The following DHX33 variants were observed in gnomAD, a reference collection of about 807,000 sequenced individuals.
DHX33 encodes DEAH-box helicase 33, also known as ATP-dependent RNA helicase DHX33.
A neutral mutation model predicts 72.5 loss-of-function variants in DHX33; 42 were observed. The observed-to-expected ratio is 0.58, with a 90% confidence interval of 0.45 to 0.75. The LOEUF (loss-of-function observed/expected upper bound fraction) is 0.75. Ranked by LOEUF, DHX33 falls within the 30% of genes least tolerant of loss-of-function variation. The probability of loss-of-function intolerance (pLI) is 0.00; values close to 1 mark genes in which losing one functional copy is unlikely to be tolerated. For synonymous variants in DHX33, 358 were observed against 366.1 expected (o/e 0.98, Z 0.25); for missense variants, 842 against 917.5 (o/e 0.92, Z 1.06).
At chr17:5,449,001 C>T in intron 10 of DHX33, 106 bp from the exon 11 acceptor site, 1 of 757,330 alleles carries the variant, frequency 1.3e-6, no homozygotes, top group Middle Eastern at 2.6e-4. Flanking sequence ...GTGATACAAT[C>T]ATAGCTCACT....
chr17:5,445,050 T>C (rs1428311716), intron 11 of DHX33, among the ~76,000 whole-genome samples: 4 of 152,014 alleles, frequency 2.6e-5, no homozygotes, highest in Admixed American at 2.6e-4. Context: ...GCTGCTCGCC[T>C]GTCTTTCCTC....
At chr17:5,455,536 G>A (rs951672789) in intron 5 of DHX33, among the ~76,000 whole-genome samples, 8 of 152,192 alleles carry the variant, frequency 5.3e-5, no homozygotes, top group African/African-American at 1.9e-4. Flanking sequence ...GGTTGGAATC[G>A]TGGCCCTGCC....
Position 5,455,263 on chromosome 17 carries a change from G to A in DHX33, c.1044C>T (p.Arg348=). 6.2e-7 allele frequency: 1 copy of A among 1,614,126 alleles called. No individual in the cohort carries two copies. The highest frequency in any genetic ancestry group is 2.2e-5 in the East Asian group (1 of 44,892). The stretch of plus-strand genomic sequence containing the variant: ...CGATGTTGGTTGAAATGATCACTTT[G>A]CGATAGCCCTAAAAGGAGGAAGAAA... ...RVFQGAPKGY[R]KVIISTNIAE... Residue 348 remains arginine (R), a synonymous_variant, in exon 6 of 12, where the codon CGC becomes CGT. Coordinates refer to ENST00000225296, the MANE Select transcript of DHX33 (RefSeq NM_020162.4).
At chr17:5,462,200 A>AG in intron 3 of DHX33, 119 bp downstream of exon 3, 1 of 927,586 alleles carries the variant, frequency 1.1e-6, no homozygotes. Context: ...TTGGCCTCCC[A>AG]AAGTGCTGGG....
In DHX33 at chr17:5,460,956, C is replaced by G. The variant is rs749794690; in HGVS notation, c.832G>C (p.Val278Leu). The G allele has an allele frequency of 3.7e-6, 6 of 1,612,722 alleles. No individual in the cohort carries two copies. Among genetic ancestry groups the G allele is most frequent in the Non-Finnish European group, 5.1e-6 (6 of 1,179,096 alleles). Reference protein sequence around the residue: ...NDYLHAALVSVFQIHQEAPSS... With the variant: ...NDYLHAALVSLFQIHQEAPSS... ...CACCATACCTGGTGGATCTGGAAGA[C>G]GGAGACAAGCGCGGCGTGCAGGTAA... Residue 278 changes from valine to leucine, a missense_variant, in exon 4 of 12, where the codon GTC becomes CTC. By Grantham distance (32) the Val-to-Leu change is conservative. Transcript: ENST00000225296.
intron 4 of DHX33, among the ~76,000 whole-genome samples, chr17:5,459,273 A>G (rs1181586774): frequency 1.3e-5 from 2 of 152,224 alleles, no homozygotes; most frequent in African/African-American, 2.4e-5. Flanking sequence ...GCTAATAGGA[A>G]GGTAAAAACA....
Position 5,468,583 on chromosome 17 carries a change from C to T in DHX33, c.277G>A (p.Ala93Thr), listed in dbSNP as rs1409661060. ...LLAQLRNLDN[A>T]VLIGETGSGK... ...CGCGGCCACTCACCGATGAGGACCG[C>T]GTTGTCCAGGTTTCGGAGCTGGGCC... is the stretch of plus-strand genomic sequence containing the variant. The change falls in exon 1 of 12, where the codon GCG becomes ACG. Residue 93 changes from alanine to threonine, a missense_variant. Transcript: ENST00000225296. The T allele has an allele frequency of 1.9e-6, 3 of 1,608,098 alleles. No homozygotes were observed. The African/African-American group carries it at 4.0e-5, about 21-fold the overall frequency.
intron 1 of DHX33, among the ~76,000 whole-genome samples, chr17:5,464,718 C>T (rs1162431282): frequency 2.6e-5 from 4 of 152,030 alleles, no homozygotes; most frequent in African/African-American, 4.8e-5. Flanking sequence ...AAAATACAAC[C>T]GTTACATAGA....
chr17:5,451,047 A>T, intron 8 of DHX33, 113 bp from the exon 9 acceptor site: 1 of 1,250,992 alleles, frequency 8.0e-7, no homozygotes, highest in Non-Finnish European at 1.1e-6. Context: ...AGCAAAAATC[A>T]TAACCGCCAC....
chr17:5,468,835 G>A lies in DHX33; in HGVS notation c.25C>T (p.Pro9Ser). ...GAGCCTGGCCGGAATCTCTTGGCCG[G>A]CGGGAAGCCCGCCTCCTCCGGCATG... is the stretch of plus-strand genomic sequence containing the variant. MPEEAGFP[P>S]AKRFRPGSGP... Residue 9 changes from proline to serine, a missense_variant, in exon 1 of 12, where the codon CCG (proline) becomes TCG (serine). Physicochemically the swap from Pro to Ser is moderately conservative, Grantham distance 74 (BLOSUM62 -1). Coordinates refer to ENST00000225296, the MANE Select transcript of DHX33 (RefSeq NM_020162.4). The A allele has an allele frequency of 6.4e-7, 1 of 1,565,992 alleles. No homozygotes were observed.
At chr17:5,454,704 C>T (rs541359132) in intron 6 of DHX33, among the ~76,000 whole-genome samples, 46 of 152,302 alleles carry the variant, frequency 3.0e-4, no homozygotes, top group African/African-American at 1.1e-3. Context: ...GTCAAGATGA[C>T]CTTAAGTTAG....
At chr17:5,452,448 G>A (rs1199969906) in intron 8 of DHX33, among the ~76,000 whole-genome samples, 3 of 152,234 alleles carry the variant, frequency 2.0e-5, no homozygotes, top group Non-Finnish European at 4.4e-5. Flanking sequence ...GCTGAGGCAG[G>A]AGAATCACCT....
At chr17:5,468,002 A>ACT (rs1435720524) in intron 1 of DHX33, among the ~76,000 whole-genome samples, 16 of 151,836 alleles carry the variant, frequency 1.1e-4, no homozygotes, top group Non-Finnish European at 1.9e-4. Context: ...GCATCTGCTC[A>ACT]CTCTCTATTC....
rs1292980768 is a variant in DHX33, at chr17:5,444,512, A to G, written c.1817T>C (p.Met606Thr). The stretch of plus-strand genomic sequence containing the variant: ...TCGGGATGATGCGATTGGCATTGAC[A>G]TCTGTTTCGGGAGAAAGCGAGGAAT... ...RAQLRDICLK[M>T]SMPIASSRGD... is the part of the protein sequence containing the mutation. Residue 606 changes from methionine (M) to threonine (T), a missense_variant and splice_region_variant, in exon 12 of 12, where the codon ATG becomes ACG. Transcript: ENST00000225296. The surrounding 1 kb of genome is among the most constrained non-coding windows in gnomAD (Gnocchi z 4.9). 6.2e-7 allele frequency: 1 copy of G among 1,612,964 alleles called. No individual in the cohort carries two copies. Among genetic ancestry groups the G allele is most frequent in the Non-Finnish European group, 8.5e-7 (1 of 1,179,194 alleles).
chr17:5,468,862 CG>C lies in DHX33; in HGVS notation c.-4del, dbSNP rs1311875739. On this transcript the variant is annotated 5_prime_UTR_variant, in exon 1 of 12. Transcript: ENST00000225296. ...GGGAAGCCCGCCTCCTCCGGCATGT[CG>C]GGAGGGCACCGCGGCGGGAGGCGCA... is the stretch of plus-strand genomic sequence containing the variant. 1.9e-6 allele frequency: 3 copies of C among 1,552,320 alleles called. No individual in the cohort carries two copies. Among genetic ancestry groups the C allele is most frequent in the African/African-American group, 2.7e-5 (2 of 73,094 alleles).
At position 5,450,925 on chromosome 17, in the gene DHX33, T is replaced by G. The variant is rs1916876516; in HGVS notation, c.1406A>C (p.Gln469Pro). 2 of 1,613,846 alleles carry G rather than the reference T, an allele frequency of 1.2e-6. No individual in the cohort carries two copies. The highest frequency in any genetic ancestry group is 8.5e-7 in the Non-Finnish European group (1 of 1,179,968). ...CAGGTCCAGTTGGGCAATGGCCGCCTGAATGTGATCTAAAGAAACAGAGAC... is the reference window on the plus strand; with the variant it reads ...CAGGTCCAGTTGGGCAATGGCCGCCGGAATGTGATCTAAAGAAACAGAGAC... Reference protein sequence around the residue: ...FMSKPSPDHIQAAIAQLDLLG... With the variant: ...FMSKPSPDHIPAAIAQLDLLG... The change falls in exon 9 of 12, where the codon CAG becomes CCG. Residue 469 changes from glutamine (Q) to proline (P), a missense_variant. Physicochemically the swap from Gln to Pro is moderately conservative, Grantham distance 76 (BLOSUM62 -1). Transcript: ENST00000225296.
At chr17:5,455,950 G>A (rs1323475002) in intron 5 of DHX33, 47 bp downstream of exon 5, 17 of 1,571,952 alleles carry the variant, frequency 1.1e-5, no homozygotes, top group Admixed American at 1.8e-5. Flanking sequence ...TGGTGGATCC[G>A]TCTGGGTGCC....
intron 6 of DHX33, among the ~76,000 whole-genome samples, chr17:5,454,647 G>A (rs2151686927): frequency 6.6e-6 from 1 of 152,208 alleles, no homozygotes; most frequent in South Asian, 2.1e-4. Flanking sequence ...TAATTTCAGT[G>A]GTCTCAAATC....
chr17:5,442,186 C>T lies in DHX33; in HGVS notation c.*2019G>A, dbSNP rs924108440. 1 of 152,044 alleles carries T rather than the reference C, an allele frequency of 6.6e-6. No homozygotes were observed. Among genetic ancestry groups the T allele is most frequent in the African/African-American group, 2.4e-5 (1 of 41,376 alleles). The allele number at this position is 152,044 out of a possible 1,614,324, so 9.4% of individuals were successfully genotyped here. On this transcript the variant is annotated 3_prime_UTR_variant, in exon 12 of 12. Coordinates refer to ENST00000225296, the MANE Select transcript of DHX33 (RefSeq NM_020162.4). ...GGGATTACAGGCATGAGGTGATCCG[C>T]CCGCCTTGGCCTCCCAAAGTGCTGG...
Sources: allele counts gnomAD v4.1 joint callset (sites outside exome capture counted in the v4.1 genomes callset), GRCh38; gene constraint gnomAD v4.1.1; non-coding constraint Gnocchi (gnomAD v3.1); transcripts MANE v1.5; gene names NCBI Gene and HGNC (gene_info 2026-07-23, HGNC 2026-07-21).